Variants in RXRG observed in about 807,000 individuals in gnomAD.
The protein encoded by RXRG is retinoid X receptor gamma, also known as retinoic acid receptor RXR-gamma.
RXRG carries 19 observed loss-of-function variants against 49.2 expected under a neutral mutation model. That is an observed-to-expected ratio of 0.39 (90% CI 0.27 to 0.57). The LOEUF is 0.57. Among genes scored for constraint, RXRG ranks in the 20% least tolerant of loss-of-function variants. RXRG has a pLI of 0.64. For synonymous variants in RXRG, 224 were observed against 216.6 expected (o/e 1.03, Z -0.30); for missense variants, 452 against 592.5 (o/e 0.76, Z 2.46).
At position 165,442,692 on chromosome 1, in the gene RXRG, G is replaced by A. The variant is rs1215918227; in HGVS notation, c.49+2153C>T. Among the ~76,000 whole-genome samples the A allele has an allele frequency of 3.3e-5, 5 of 152,148 alleles. No individual in the cohort carries two copies. In the South Asian group the frequency reaches 6.2e-4, roughly 19 times the overall value. On this transcript the variant is annotated intron_variant, in intron 1 of 9. Transcript: ENST00000359842. ...TGTTAGTCTCTGAGTAAAATAGAGG[G>A]GAAGAAAATATTGTATTAGGTAGCA...
intron 3 of RXRG, among the ~76,000 whole-genome samples, chr1:165,418,106 G>A (rs1017575220): frequency 1.8e-5 from 1 of 54,814 alleles, no homozygotes; most frequent in Non-Finnish European, 3.1e-5. Context: ...GCGAGATCCC[G>A]TCTCAAAAAA....
chr1:165,432,913 T>C (rs1322435523), intron 1 of RXRG, among the ~76,000 whole-genome samples: 1 of 152,350 alleles, frequency 6.6e-6, no homozygotes, highest in East Asian at 1.9e-4. Context: ...TGAATGGGTG[T>C]GTCCCTCCAA....
At position 165,408,276 on chromosome 1, in the gene RXRG, C is replaced by A; in HGVS notation, c.1089G>T (p.Met363Ile). ...GCAGGCATCCCAGTTCCGACTTGTC[C>A]ATCTGCATGTCTTTCATTTTGGAAA... ...ELVSKMKDMQ[M>I]DKSELGCLRA... Residue 363 changes from methionine (M) to isoleucine (I), a missense_variant, in exon 8 of 10, where the codon ATG (methionine) becomes ATT (isoleucine). Physicochemically the swap from Met to Ile is conservative, Grantham distance 10. Coordinates refer to ENST00000359842, the MANE Select transcript of RXRG (RefSeq NM_006917.5). 6.2e-7 allele frequency: 1 copy of A among 1,614,086 alleles called. No homozygotes were observed. Among genetic ancestry groups the A allele is most frequent in the Non-Finnish European group, 8.5e-7 (1 of 1,179,960 alleles).
chr1:165,424,239 G>T (rs1658412185), intron 2 of RXRG, among the ~76,000 whole-genome samples: 1 of 152,204 alleles, frequency 6.6e-6, no homozygotes, highest in African/African-American at 2.4e-5. Context: ...CCAGGGCAGG[G>T]ATTAAATCTC....
chr1:165,430,315 T>A (rs1450838945), intron 1 of RXRG, among the ~76,000 whole-genome samples: 3 of 152,272 alleles, frequency 2.0e-5, no homozygotes, highest in Non-Finnish European at 4.4e-5. Context: ...CAAGGCACTG[T>A]CCTAAGCCTT....
At chr1:165,426,185 A>G (rs1658480689) in intron 2 of RXRG, among the ~76,000 whole-genome samples, 1 of 152,254 alleles carries the variant, frequency 6.6e-6, no homozygotes. Flanking sequence ...AAGGGTCAAA[A>G]TATGGGATGA....
At chr1:165,441,454 C>T (rs200706078) in intron 1 of RXRG, among the ~76,000 whole-genome samples, 1 of 151,996 alleles carries the variant, frequency 6.6e-6, no homozygotes, top group South Asian at 2.1e-4. Context: ...TGCCTGGGTT[C>T]AATCCCTGGC....
chr1:165,402,769 C>T (rs1269846099), intron 9 of RXRG, among the ~76,000 whole-genome samples: 1 of 151,994 alleles, frequency 6.6e-6, no homozygotes, highest in Non-Finnish European at 1.5e-5. Context: ...CACACACTCT[C>T]ATGCATACAC....
intron 4 of RXRG, among the ~76,000 whole-genome samples, chr1:165,416,151 G>A (rs1658120114): frequency 6.6e-6 from 1 of 152,128 alleles, no homozygotes; most frequent in Admixed American, 6.5e-5. Flanking sequence ...CAAGAATGAG[G>A]AGCGTGCTGG....
At chr1:165,440,045 G>A (rs997093357) in intron 1 of RXRG, among the ~76,000 whole-genome samples, 1 of 152,160 alleles carries the variant, frequency 6.6e-6, no homozygotes. Context: ...GATGTGGAGT[G>A]TTCTAGTGAG....
Position 165,401,282 on chromosome 1 carries a change from G to T in RXRG, c.1373C>A (p.Thr458Asn), listed in dbSNP as rs780048183. The T allele has an allele frequency of 6.2e-7, 1 of 1,614,154 alleles. No homozygotes were observed. The highest frequency in any genetic ancestry group is 8.5e-7 in the Non-Finnish European group (1 of 1,180,016). The change falls in exon 10 of 10, where the codon ACC (threonine) becomes AAC (asparagine). Residue 458 changes from threonine to asparagine, a missense_variant. Coordinates refer to ENST00000359842, the MANE Select transcript of RXRG (RefSeq NM_006917.5). Reference sequence around the variant, plus strand: ...TGGGGCTCAGGTGATCTGCAGCGGGGTCTCCAACATCTCCATGAGGAAGGT... The same window carrying T: ...TGGGGCTCAGGTGATCTGCAGCGGGTTCTCCAACATCTCCATGAGGAAGGT... ...IDTFLMEMLE[T>N]PLQIT is the part of the protein sequence containing the mutation.
Position 165,444,847 on chromosome 1 carries a change from C to T in RXRG, c.47G>A (p.Gly16Glu). ...TGAAGCCCAAGGGAGATACTTACCT[C>T]CATAGCCTGCGGGAAACTTCATGAA... ...SHFMKFPAGY[G>E]GSPGHTGSTS... The change falls in exon 1 of 10, where the codon GGA becomes GAA. Residue 16 changes from glycine (G) to glutamate (E), a missense_variant and splice_region_variant. Physicochemically the swap from Gly to Glu is moderately conservative, Grantham distance 98. Coordinates refer to ENST00000359842, the MANE Select transcript of RXRG (RefSeq NM_006917.5). The T allele has an allele frequency of 6.2e-7, 1 of 1,614,084 alleles. No homozygotes were observed. The highest frequency in any genetic ancestry group is 1.3e-5 in the African/African-American group (1 of 75,054).
At position 165,445,111 on chromosome 1, in the gene RXRG, G is replaced by A. The variant is rs371684573; in HGVS notation, c.-218C>T. On this transcript the variant is annotated 5_prime_UTR_variant, in exon 1 of 10. Coordinates refer to ENST00000359842, the MANE Select transcript of RXRG (RefSeq NM_006917.5). ...CACATAGTGCGTTTGAGACGGCTGT[G>A]GCGGCAGCAGCTGGTGCCTGTCAGT... 123 of 572,328 alleles carry A rather than the reference G, an allele frequency of 2.1e-4. No homozygotes were observed. Among genetic ancestry groups the A allele is most frequent in the African/African-American group, 1.8e-3 (96 of 53,446 alleles). 35.5% of individuals were successfully genotyped at this position (572,328 alleles called of 1,614,324 possible). A position where few individuals can be genotyped will look rare whatever the true frequency, so the allele number is the denominator to read the frequency against.
At chr1:165,419,271 T>C (rs1011861574) in intron 3 of RXRG, among the ~76,000 whole-genome samples, 2 of 152,228 alleles carry the variant, frequency 1.3e-5, no homozygotes, top group Admixed American at 1.3e-4. Flanking sequence ...TTAAAGGGTT[T>C]ATTTTTCTTG....
At chr1:165,430,247 C>T (rs1371734466) in intron 1 of RXRG, among the ~76,000 whole-genome samples, 3 of 152,158 alleles carry the variant, frequency 2.0e-5, no homozygotes, top group African/African-American at 7.2e-5. Flanking sequence ...AGTCATATGC[C>T]TGACTTTATG....
At chr1:165,433,171 T>G (rs73021095) in intron 1 of RXRG, among the ~76,000 whole-genome samples, 1 of 152,144 alleles carries the variant, frequency 6.6e-6, no homozygotes, top group Non-Finnish European at 1.5e-5. Flanking sequence ...CCTTCCATCA[T>G]GTGAGGCACC....
intron 9 of RXRG, among the ~76,000 whole-genome samples, chr1:165,401,890 T>C (rs1479300625): frequency 6.6e-6 from 1 of 152,182 alleles, no homozygotes; most frequent in Non-Finnish European, 1.5e-5. Flanking sequence ...CATCATGCCA[T>C]CAATTTGCTT....
intron 4 of RXRG, among the ~76,000 whole-genome samples, chr1:165,411,326 C>T (rs1474281641): frequency 6.6e-6 from 1 of 152,100 alleles, no homozygotes; most frequent in African/African-American, 2.4e-5. Context: ...ATATTCTTTC[C>T]AATGCATTAT....
At chr1:165,403,568 A>G (rs1001108742) in intron 9 of RXRG, among the ~76,000 whole-genome samples, 1 of 152,256 alleles carries the variant, frequency 6.6e-6, no homozygotes, top group Non-Finnish European at 1.5e-5. Context: ...AATGCTACAC[A>G]TTACTTCAAA....
Sources: gnomAD v4.1 joint callset for allele counts (sites outside exome capture counted in the v4.1 genomes callset) on GRCh38, gnomAD v4.1.1 for gene constraint, MANE v1.5 for transcripts, NCBI Gene and HGNC (gene_info 2026-07-23, HGNC 2026-07-21) for gene names.